GNG7: variants seen among roughly 807,000 people sequenced by gnomAD.
The protein encoded by GNG7 is guanine nucleotide-binding protein G(I)/G(S)/G(O) subunit gamma-7.
GNG7 carries 1 observed loss-of-function variant against 4.0 expected under a neutral mutation model. The observed-to-expected ratio is 0.25, with a 90% CI of 0.09 to 1.18. The LOEUF is 1.18. GNG7 is among the 50% of genes most tolerant of loss of function. The probability of loss-of-function intolerance (pLI) is 0.50; values close to 1 mark genes in which losing one functional copy is unlikely to be tolerated. For synonymous variants in GNG7, 34 were observed against 36.9 expected, an observed-to-expected ratio of 0.92 and a Z score of 0.29; for missense variants, 86 against 91.9, an observed-to-expected ratio of 0.94 and a Z score of 0.26.
At chr19:2,651,249 C>T (rs1389613375) in intron 1 of GNG7, among the ~76,000 whole-genome samples, 2 of 54,910 alleles carry the variant, frequency 3.6e-5, no homozygotes, top group Non-Finnish European at 4.8e-5. Context: ...CCTTCCTTTC[C>T]TTCCTTCCTT....
At chr19:2,629,307 C>T (rs1982098525) in intron 2 of GNG7, among the ~76,000 whole-genome samples, 1 of 152,204 alleles carries the variant, frequency 6.6e-6, no homozygotes, top group East Asian at 1.9e-4. Context: ...CTCTACCAGT[C>T]ATCTCCTCCT....
chr19:2,613,182 T>C (rs529262945), intron 2 of GNG7, among the ~76,000 whole-genome samples: 2 of 152,308 alleles, frequency 1.3e-5, no homozygotes, highest in Admixed American at 1.3e-4. Flanking sequence ...GGCTGCAGCC[T>C]ACTTCCTGCT....
At chr19:2,592,929 GGGAAGGAA>G (rs533301759) in intron 2 of GNG7, among the ~76,000 whole-genome samples, 1 of 146,198 alleles carries the variant, frequency 6.8e-6, no homozygotes, top group Admixed American at 6.9e-5. Context: ...AGGAGAGGGA[GGGAAGGAA>G]GGAAGGAAGG....
At chr19:2,569,014 A>C (rs1021411970) in intron 2 of GNG7, among the ~76,000 whole-genome samples, 1 of 151,358 alleles carries the variant, frequency 6.6e-6, no homozygotes, top group African/African-American at 2.4e-5. Flanking sequence ...TATACACACA[A>C]GCAGACACAT....
At chr19:2,652,940 A>C (rs1280045339) in intron 1 of GNG7, among the ~76,000 whole-genome samples, 1 of 151,942 alleles carries the variant, frequency 6.6e-6, no homozygotes, top group East Asian at 1.9e-4. Flanking sequence ...CAGCCTGGGC[A>C]ACATAGCAAG....
chr19:2,638,542 AGAAGGGAAGGGGGAGGGGAGGG>A (rs1982395104), intron 2 of GNG7, among the ~76,000 whole-genome samples: 1 of 10,088 alleles, frequency 9.9e-5, no homozygotes, highest in Non-Finnish European at 2.4e-4. Flanking sequence ...GGAGGGGAGG[AGAAGGGAAGGGGGAGGGGAGGG>A]GAAGGGAAGG....
intron 2 of GNG7, among the ~76,000 whole-genome samples, chr19:2,576,124 C>T (rs943840823): frequency 5.9e-5 from 9 of 152,174 alleles, no homozygotes; most frequent in Non-Finnish European, 1.3e-4. Context: ...CAGATGCATG[C>T]AGACACACAC....
chr19:2,568,348 T>C (rs1023203653), intron 2 of GNG7, among the ~76,000 whole-genome samples: 2 of 148,770 alleles, frequency 1.3e-5, no homozygotes, highest in Admixed American at 1.3e-4. Context: ...TAGACATACA[T>C]ACACACACGT....
intron 2 of GNG7, among the ~76,000 whole-genome samples, chr19:2,590,504 TCCATCCATCCAC>T (rs1420301725): frequency 1.3e-5 from 2 of 148,976 alleles, no homozygotes; most frequent in Non-Finnish European, 3.0e-5. Flanking sequence ...CATCCATCCA[TCCATCCATCCAC>T]CCACCCATCC....
rs1979589393 is a variant in GNG7 at position 2,557,283 on chromosome 19, G to A, written c.-77-2095C>T. 1.3e-5 allele frequency among the ~76,000 whole-genome samples: 2 copies of A among 149,840 alleles called. No individual in the cohort carries two copies. The highest frequency in any genetic ancestry group is 4.2e-4 in the South Asian group (2 of 4,720). ...CACACACATTTGCACACACAGACAC[G>A]TGCACACACAGAGGTGCACATACAC... is the stretch of plus-strand genomic sequence containing the variant. On this transcript the variant is annotated intron_variant, in intron 2 of 4. Coordinates refer to ENST00000382159, the MANE Select transcript of GNG7 (RefSeq NM_052847.3). This position sits in a 1 kb window ranked among gnomAD's most constrained non-coding sequence, Gnocchi z 5.1.
chr19:2,633,911 C>T lies in GNG7; in HGVS notation c.-78+12313G>A, dbSNP rs988349988. ...ACCCCTGACCTCCACCCCATGGCAT[C>T]CACCAATCGAGGCAGCCACAAATGT... On this transcript the variant is annotated intron_variant, in intron 2 of 4. Transcript: ENST00000382159. The surrounding 1 kb of genome is among the most constrained non-coding windows in gnomAD (Gnocchi z 5.9). Among the ~76,000 whole-genome samples the T allele has an allele frequency of 6.6e-6, 1 of 152,046 alleles. No individual in the cohort carries two copies. The highest frequency in any genetic ancestry group is 6.5e-5 in the Admixed American group (1 of 15,270).
chr19:2,614,529 T>A lies in GNG7; in HGVS notation c.-78+31695A>T, dbSNP rs528402903. On this transcript the variant is annotated intron_variant, in intron 2 of 4. Transcript: ENST00000382159. This position sits in a 1 kb window ranked among gnomAD's most constrained non-coding sequence, Gnocchi z 6.0. Reference sequence around the variant, plus strand: ...GCCTGTCCTGGACATTTCATAGAAATAGGATGACACACTGTGTGGCCTTTT... The same window carrying A: ...GCCTGTCCTGGACATTTCATAGAAAAAGGATGACACACTGTGTGGCCTTTT... 6.8e-4 allele frequency among the ~76,000 whole-genome samples: 103 copies of A among 152,134 alleles called. No individual in the cohort carries two copies. Among genetic ancestry groups the A allele is most frequent in the Non-Finnish European group, 1.1e-3 (74 of 68,010 alleles).
chr19:2,661,286 GAAAGAAAGAAAGAAAGAGAAA>G, intron 1 of GNG7, among the ~76,000 whole-genome samples: 1 of 37,298 alleles, frequency 2.7e-5, no homozygotes, highest in East Asian at 1.1e-3. Flanking sequence ...AAGAAAGAAA[GAAAGAAAGAAAGAAAGAGAAA>G]GAAAGAAAGA....
chr19:2,557,355 A>G lies in GNG7; in HGVS notation c.-77-2167T>C, dbSNP rs1979597222. Among the ~76,000 whole-genome samples, 1 of 94,612 alleles carries G rather than the reference A, an allele frequency of 1.1e-5. No homozygotes were observed. The highest frequency in any genetic ancestry group is 2.6e-5 in the Non-Finnish European group (1 of 39,202). 62.1% of individuals were successfully genotyped at this position (94,612 alleles called of 152,430 possible). ...CAGACACACACATGTGCACACACAC[A>G]GACACACACACACGTGCACGCACAC... is the stretch of plus-strand genomic sequence containing the variant. On this transcript the variant is annotated intron_variant, in intron 2 of 4. Transcript: ENST00000382159. This position sits in a 1 kb window ranked among gnomAD's most constrained non-coding sequence, Gnocchi z 5.1.
intron 2 of GNG7, among the ~76,000 whole-genome samples, chr19:2,638,966 G>A (rs543207204): frequency 5.9e-5 from 9 of 152,206 alleles, no homozygotes; most frequent in African/African-American, 7.2e-5. Context: ...GGCCAGGTGC[G>A]GTGGCTCACA....
At chr19:2,607,349 C>T (rs1981418201) in intron 2 of GNG7, among the ~76,000 whole-genome samples, 2 of 151,518 alleles carry the variant, frequency 1.3e-5, no homozygotes, top group African/African-American at 4.8e-5. Context: ...GAAACCCTAA[C>T]ATTTTTAGTT....
chr19:2,679,943 A>G (rs936779791), intron 1 of GNG7, among the ~76,000 whole-genome samples: 2 of 152,166 alleles, frequency 1.3e-5, no homozygotes, highest in African/African-American at 4.8e-5. Context: ...CAGTGTCCAC[A>G]GCTCTATTAG....
At chr19:2,560,534 T>C (rs780371439) in intron 2 of GNG7, among the ~76,000 whole-genome samples, 1 of 151,832 alleles carries the variant, frequency 6.6e-6, no homozygotes, top group African/African-American at 2.4e-5. Context: ...GCTGGGGACA[T>C]TGTGGTTATC....
intron 1 of GNG7, among the ~76,000 whole-genome samples, chr19:2,694,287 GA>G (rs576542716): frequency 1.6e-4 from 24 of 148,408 alleles, no homozygotes; most frequent in South Asian, 2.1e-4. Flanking sequence ...GTTTTTAGGG[GA>G]AAAAAAAAAG....
Sources: gnomAD v4.1 joint callset for allele counts (sites outside exome capture counted in the v4.1 genomes callset) on GRCh38, gnomAD v4.1.1 for gene constraint, Gnocchi (gnomAD v3.1) non-coding constraint, MANE v1.5 for transcripts, NCBI Gene and HGNC (gene_info 2026-07-23, HGNC 2026-07-21) for gene names.